The following GOLGA8B variants were observed in gnomAD, a reference collection of about 807,000 sequenced individuals.
The protein encoded by GOLGA8B is golgin subfamily A member 8B.
Under a neutral mutation model 15.6 loss-of-function variants are expected in GOLGA8B, and 1 was observed. That is an observed-to-expected ratio of 0.06 (90% CI 0.02 to 0.30). GOLGA8B has a LOEUF of 0.30. Ranked by LOEUF, GOLGA8B falls within the 10% of genes least tolerant of loss-of-function variation. GOLGA8B has a pLI of 1.00. For missense variants in GOLGA8B, 17 were observed against 201.3 expected (o/e 0.08, Z 5.54); for synonymous variants, 9 against 80.3 (o/e 0.11, Z 4.75).
At chr15:34,583,331 G>A (rs1889300735) in intron 1 of GOLGA8B, among the ~76,000 whole-genome samples, 185 bp downstream of exon 1, 1 of 152,070 alleles carries the variant, frequency 6.6e-6, no homozygotes, top group Non-Finnish European at 1.5e-5. Context: ...TAGGCCAGCC[G>A]GGCTGCACCC....
chr15:34,563,955 C>T (rs1410807559), intron 1 of GOLGA8B, among the ~76,000 whole-genome samples: 1 of 137,264 alleles, frequency 7.3e-6, no homozygotes, highest in African/African-American at 2.6e-5. Flanking sequence ...CATTTCCGTA[C>T]CAATGGTATG....
At chr15:34,580,309 A>G (rs1419621350) in intron 1 of GOLGA8B, among the ~76,000 whole-genome samples, 2 of 152,154 alleles carry the variant, frequency 1.3e-5, no homozygotes, top group Non-Finnish European at 2.9e-5. Flanking sequence ...GGAGAATTTG[A>G]GAAAAATCAG....
intron 1 of GOLGA8B, chr15:34,574,734 G>C (rs185654253): frequency 6.6e-6 from 1 of 152,560 alleles, no homozygotes. Flanking sequence ...GCGGGCATGG[G>C]CCTCACGGGA....
chr15:34,578,705 C>T (rs544087450), intron 1 of GOLGA8B, among the ~76,000 whole-genome samples: 21 of 152,336 alleles, frequency 1.4e-4, no homozygotes, highest in South Asian at 2.1e-4. Context: ...CCCGATGATG[C>T]GTGTTTCATT....
At chr15:34,582,937 C>G (rs947707206) in intron 1 of GOLGA8B, 1 of 152,386 alleles carries the variant, frequency 6.6e-6, no homozygotes, top group East Asian at 1.9e-4. Flanking sequence ...TCCAACCCGG[C>G]GCCTGCAGCC....
At chr15:34,574,479 T>A (rs533022692) in intron 1 of GOLGA8B, among the ~76,000 whole-genome samples, 74 of 151,942 alleles carry the variant, frequency 4.9e-4, no homozygotes, top group African/African-American at 1.6e-3. Context: ...AATTTTTCTA[T>A]TTTTTTGTAG....
At chr15:34,563,484 C>T (rs1295683030) in intron 1 of GOLGA8B, among the ~76,000 whole-genome samples, 8 of 148,662 alleles carry the variant, frequency 5.4e-5, no homozygotes, top group Admixed American at 1.4e-4. Flanking sequence ...GTTTGCTTTG[C>T]TTCATTAATT....
At chr15:34,579,694 G>A (rs1447312858) in intron 1 of GOLGA8B, among the ~76,000 whole-genome samples, 2 of 152,172 alleles carry the variant, frequency 1.3e-5, no homozygotes, top group Non-Finnish European at 2.9e-5. Flanking sequence ...ATCCAAAGGT[G>A]AACACAGCTG....
At chr15:34,582,060 G>C (rs759670753) in intron 1 of GOLGA8B, among the ~76,000 whole-genome samples, 6 of 152,324 alleles carry the variant, frequency 3.9e-5, no homozygotes, top group Admixed American at 2.0e-4. Flanking sequence ...CAGTTCCTAA[G>C]CTCAGGAGAC....
chr15:34,550,741 C>G (rs1355322943), intron 4 of GOLGA8B, among the ~76,000 whole-genome samples: 1 of 114,086 alleles, frequency 8.8e-6, no homozygotes, highest in Non-Finnish European at 1.9e-5. Context: ...TGCCTGTAAT[C>G]CCAGCACTTT....
At chr15:34,579,974 A>C (rs933190068) in intron 1 of GOLGA8B, among the ~76,000 whole-genome samples, 7 of 152,216 alleles carry the variant, frequency 4.6e-5, no homozygotes, top group African/African-American at 1.7e-4. Context: ...AAGGTTAACA[A>C]GAGAAGGGGA....
chr15:34,583,439 C>CG (rs1889306314), intron 1 of GOLGA8B, 77 bp downstream of exon 1: 1 of 150,424 alleles, frequency 6.6e-6, no homozygotes, highest in Admixed American at 6.6e-5. Context: ...CCCCACGCGT[C>CG]GGGGTCCCCG....
At chr15:34,582,907 G>A (rs1211947636) in intron 1 of GOLGA8B, 2 of 152,224 alleles carry the variant, frequency 1.3e-5, no homozygotes, top group Non-Finnish European at 1.5e-5. Context: ...TCTCCGGGAG[G>A]GGCAGGTCCG....
chr15:34,580,019 C>T (rs940321346), intron 1 of GOLGA8B, among the ~76,000 whole-genome samples: 62 of 151,806 alleles, frequency 4.1e-4, no homozygotes, highest in African/African-American at 1.4e-3. Flanking sequence ...ATCAGGGAGC[C>T]GGCAATAGGT....
At chr15:34,564,199 T>C (rs1012167779) in intron 1 of GOLGA8B, among the ~76,000 whole-genome samples, 1 of 144,412 alleles carries the variant, frequency 6.9e-6, no homozygotes, top group African/African-American at 2.5e-5. Context: ...CCACAAATTG[T>C]CTGGCCCAGT....
chr15:34,582,021 G>A (rs1889250270), intron 1 of GOLGA8B, among the ~76,000 whole-genome samples: 1 of 152,138 alleles, frequency 6.6e-6, no homozygotes, highest in South Asian at 2.1e-4. Context: ...AGTTCCACGT[G>A]TCCTTAACAC....
intron 1 of GOLGA8B, among the ~76,000 whole-genome samples, chr15:34,570,281 C>G (rs991482802): frequency 6.7e-6 from 1 of 149,014 alleles, no homozygotes; most frequent in African/African-American, 2.5e-5. Flanking sequence ...GCAGAGAAAG[C>G]CACATCCTCT....
At chr15:34,566,924 G>A (rs1269987122) in intron 1 of GOLGA8B, among the ~76,000 whole-genome samples, 3 of 118,056 alleles carry the variant, frequency 2.5e-5, no homozygotes, top group Non-Finnish European at 5.4e-5. Flanking sequence ...ACACACCATC[G>A]GCGGCCACTC....
At chr15:34,572,242 A>G (rs1205992226) in intron 1 of GOLGA8B, among the ~76,000 whole-genome samples, 1 of 152,230 alleles carries the variant, frequency 6.6e-6, no homozygotes, top group Non-Finnish European at 1.5e-5. Context: ...ACCTGTCAAG[A>G]GAGCAATTTG....
Sources: allele counts gnomAD v4.1 joint callset (sites outside exome capture counted in the v4.1 genomes callset), GRCh38; gene constraint gnomAD v4.1.1; transcripts MANE v1.5; gene names NCBI Gene and HGNC (gene_info 2026-07-23, HGNC 2026-07-21).